Variants in CACNG3 observed in about 807,000 individuals in gnomAD.
The protein encoded by CACNG3 is calcium voltage-gated channel auxiliary subunit gamma 3, also known as voltage-dependent calcium channel gamma-3 subunit.
In CACNG3, 3 loss-of-function variants were observed where a neutral mutation model predicts 28.5. The observed-to-expected ratio is 0.11, with a 90% CI of 0.05 to 0.27. The LOEUF (loss-of-function observed/expected upper bound fraction) is 0.27, where lower values mean the gene tolerates loss of function less well. Among genes scored for constraint, CACNG3 ranks in the 10% least tolerant of loss-of-function variants. The pLI, the probability that CACNG3 is intolerant of heterozygous loss-of-function variation, is 1.00. For synonymous variants in CACNG3, 174 were observed against 162.2 expected, an observed-to-expected ratio of 1.07 and a Z score of -0.55; for missense variants, 236 against 414.4, an observed-to-expected ratio of 0.57 and a Z score of 3.74.
At position 24,305,628 on chromosome 16, in the gene CACNG3, A is replaced by C. The variant is rs192484174; in HGVS notation, c.212-41106A>C. 5.3e-3 allele frequency among the ~76,000 whole-genome samples: 811 copies of C among 152,214 alleles called. 7 individuals are homozygous for C. Among genetic ancestry groups the C allele is most frequent in the African/African-American group, 0.018 (736 of 41,538 alleles). On this transcript the variant is annotated intron_variant, in intron 1 of 3. Coordinates refer to ENST00000005284, the MANE Select transcript of CACNG3 (RefSeq NM_006539.4). ...ACATGGACACAGGGAGGAGAACATC[A>C]CACACTGGGGCCTGTCCTGGGTGGG... is the stretch of plus-strand genomic sequence containing the variant.
intron 1 of CACNG3, among the ~76,000 whole-genome samples, chr16:24,277,779 CAAAA>C (rs34379768): frequency 4.1e-5 from 4 of 97,762 alleles, no homozygotes; most frequent in Non-Finnish European, 6.5e-5. Flanking sequence ...GACTCCATCT[CAAAA>C]AAAAAAAAAA....
Position 24,326,202 on chromosome 16 carries a change from G to A in CACNG3, c.212-20532G>A, listed in dbSNP as rs147505336. 7.9e-3 allele frequency among the ~76,000 whole-genome samples: 1,112 copies of A among 140,412 alleles called. 19 individuals carry two copies. The highest frequency in any genetic ancestry group is 0.026 in the African/African-American group (990 of 37,844). The allele number at this position is 140,412 out of a possible 152,430, so 92.1% of individuals were successfully genotyped here. A position where few individuals can be genotyped will look rare whatever the true frequency, so the allele number is the denominator to read the frequency against. On this transcript the variant is annotated intron_variant, in intron 1 of 3. Coordinates refer to ENST00000005284, the MANE Select transcript of CACNG3 (RefSeq NM_006539.4). ...TTTTTTTTTTTTGAGATGGAGTTTC[G>A]CTCTTGTTGCCCAGACTAGAGTGCA...
At chr16:24,345,163 CA>C (rs1260397112) in intron 1 of CACNG3, among the ~76,000 whole-genome samples, 40 of 152,294 alleles carry the variant, frequency 2.6e-4, no homozygotes, top group African/African-American at 9.6e-4. Flanking sequence ...AGCTTTATTT[CA>C]TTCTTACAAT....
chr16:24,345,022 A>T (rs771237912), intron 1 of CACNG3, among the ~76,000 whole-genome samples: 1 of 152,216 alleles, frequency 6.6e-6, no homozygotes, highest in Non-Finnish European at 1.5e-5. Context: ...CTGGGGTGGT[A>T]AACAAGGGTA....
chr16:24,334,555 G>C (rs894255191), intron 1 of CACNG3, among the ~76,000 whole-genome samples: 2 of 152,314 alleles, frequency 1.3e-5, no homozygotes, highest in African/African-American at 2.4e-5. Context: ...TTCCACTGGA[G>C]GGGGGACATC....
chr16:24,308,839 CAAA>C lies in CACNG3; in HGVS notation c.212-37869_212-37867del, dbSNP rs71154298. Among the ~76,000 whole-genome samples the C allele has an allele frequency of 3.0e-3, 81 of 27,240 alleles. No homozygotes were observed. The South Asian group carries it at 0.033, about 11-fold the overall frequency. 17.9% of individuals were successfully genotyped at this position (27,240 alleles called of 152,430 possible). On this transcript the variant is annotated intron_variant, in intron 1 of 3. Coordinates refer to ENST00000005284, the MANE Select transcript of CACNG3 (RefSeq NM_006539.4). The stretch of plus-strand genomic sequence containing the variant: ...TGGCTGATGGAGTGAGAACCTACCT[CAAA>C]AAAAAAAAAAAAAAAAAAAAAAAAA...
chr16:24,308,090 G>A (rs2141363164), intron 1 of CACNG3, among the ~76,000 whole-genome samples: 1 of 152,310 alleles, frequency 6.6e-6, no homozygotes, highest in Admixed American at 6.5e-5. Flanking sequence ...GATGTGTGGA[G>A]CCAACACTTA....
intron 2 of CACNG3, among the ~76,000 whole-genome samples, chr16:24,351,378 C>A (rs1449580137): frequency 6.6e-6 from 1 of 151,892 alleles, no homozygotes. Flanking sequence ...TCGAGACCAA[C>A]CAGACCAATA....
chr16:24,283,335 A>T (rs1442592634), intron 1 of CACNG3, among the ~76,000 whole-genome samples: 1 of 152,214 alleles, frequency 6.6e-6, no homozygotes, highest in Non-Finnish European at 1.5e-5. Context: ...ATTTAACAAC[A>T]TAATGTATCT....
intron 1 of CACNG3, among the ~76,000 whole-genome samples, chr16:24,285,109 AATGTTGTTCACTCCTGTGATTCACAC>A (rs1296980254): frequency 6.6e-6 from 1 of 152,110 alleles, no homozygotes; most frequent in Non-Finnish European, 1.5e-5. Context: ...AAGCTGAGTA[AATGTTGTTCACTCCTGTGATTCACAC>A]TCATCAGGAC....
chr16:24,291,279 G>C (rs1898963408), intron 1 of CACNG3, among the ~76,000 whole-genome samples: 1 of 152,126 alleles, frequency 6.6e-6, no homozygotes, highest in Non-Finnish European at 1.5e-5. Flanking sequence ...TGATCCAAAG[G>C]GACACTCAGA....
At chr16:24,259,497 A>G (rs1255764877) in intron 1 of CACNG3, among the ~76,000 whole-genome samples, 1 of 152,180 alleles carries the variant, frequency 6.6e-6, no homozygotes, top group Non-Finnish European at 1.5e-5. Context: ...TGGTCCTTTA[A>G]GTGTCAAATG....
intron 1 of CACNG3, among the ~76,000 whole-genome samples, chr16:24,319,028 T>G (rs1050887003): frequency 6.6e-6 from 1 of 152,244 alleles, no homozygotes; most frequent in African/African-American, 2.4e-5. Context: ...ATTGTGTTTA[T>G]TTTTACAGTG....
intron 1 of CACNG3, among the ~76,000 whole-genome samples, chr16:24,286,433 C>T (rs200160272): frequency 8.5e-4 from 52 of 61,226 alleles, no homozygotes; most frequent in Middle Eastern, 9.1e-3. Flanking sequence ...CACACACACA[C>T]ATATATATAT....
intron 2 of CACNG3, among the ~76,000 whole-genome samples, chr16:24,350,033 G>A (rs1010295366): frequency 6.6e-6 from 1 of 151,020 alleles, no homozygotes; most frequent in African/African-American, 2.5e-5. Flanking sequence ...GCTCCATATA[G>A]TTTGGGGGGA....
intron 1 of CACNG3, among the ~76,000 whole-genome samples, chr16:24,289,726 G>A (rs1898941247): frequency 6.6e-6 from 1 of 152,196 alleles, no homozygotes; most frequent in Admixed American, 6.5e-5. Context: ...GCACTAGACT[G>A]CCTGGATTTG....
intron 1 of CACNG3, among the ~76,000 whole-genome samples, chr16:24,277,794 A>G (rs963908116): frequency 7.9e-5 from 12 of 152,018 alleles, no homozygotes; most frequent in African/African-American, 2.9e-4. Context: ...AAAAAAAAAA[A>G]AAAGTAAAGG....
In CACNG3 at chr16:24,361,857, C is replaced by T. The variant is rs201263434; in HGVS notation, c.942C>T (p.Pro314=). ...HNNPANRRTT[P]V is the part of the protein sequence containing the mutation. ...ATCCGGCCAACAGGCGCACCACGCC[C>T]GTCTGAACTGACCTCTGACCTCTGC... Residue 314 remains proline (P), a synonymous_variant, in exon 4 of 4, where the codon CCC becomes CCT. Coordinates refer to ENST00000005284, the MANE Select transcript of CACNG3 (RefSeq NM_006539.4). The surrounding 1 kb of genome is among the most constrained non-coding windows in gnomAD (Gnocchi z 6.8). 1.3e-5 allele frequency: 21 copies of T among 1,603,182 alleles called. No homozygotes were observed. The highest frequency in any genetic ancestry group is 1.7e-4 in the Middle Eastern group (1 of 6,042).
chr16:24,299,673 G>T (rs1044729835), intron 1 of CACNG3, among the ~76,000 whole-genome samples: 1 of 152,124 alleles, frequency 6.6e-6, no homozygotes, highest in African/African-American at 2.4e-5. Flanking sequence ...ATCTTAAGCT[G>T]AACATGACTT....
Sources: allele counts gnomAD v4.1 joint callset (sites outside exome capture counted in the v4.1 genomes callset), GRCh38; gene constraint gnomAD v4.1.1; non-coding constraint Gnocchi (gnomAD v3.1); transcripts MANE v1.5; gene names NCBI Gene and HGNC (gene_info 2026-07-23, HGNC 2026-07-21).